Variants in CD244 observed in about 807,000 individuals in gnomAD.
The protein encoded by CD244 is natural killer cell receptor 2B4.
In CD244, 20 loss-of-function variants were observed where a neutral mutation model predicts 45.5. That is an observed-to-expected ratio of 0.44 (90% CI 0.31 to 0.64). The LOEUF (loss-of-function observed/expected upper bound fraction) is 0.64, where lower values mean the gene tolerates loss of function less well. CD244 is among the 30% of genes least tolerant of loss of function. CD244 has a pLI of 0.08. For synonymous variants in CD244, 185 were observed against 160.5 expected (o/e 1.15, Z -1.15); for missense variants, 407 against 426.9 (o/e 0.95, Z 0.41).
chr1:160,859,987 A>G (rs1263295029), intron 1 of CD244, among the ~76,000 whole-genome samples: 2 of 151,980 alleles, frequency 1.3e-5, no homozygotes, highest in Non-Finnish European at 2.9e-5. Flanking sequence ...TGGGTGGATC[A>G]CTTGAGGTCA....
At chr1:160,838,379 T>G in intron 5 of CD244, 72 bp downstream of exon 5, 2 of 1,099,610 alleles carry the variant, frequency 1.8e-6, no homozygotes, top group South Asian at 2.5e-5. Flanking sequence ...GTCCCTCTGC[T>G]CTGAATAACC....
intron 1 of CD244, among the ~76,000 whole-genome samples, chr1:160,847,346 A>G (rs1485079486): frequency 3.3e-5 from 5 of 151,878 alleles, no homozygotes; most frequent in African/African-American, 9.7e-5. Flanking sequence ...CATTAAACCA[A>G]TATATATATA....
At chr1:160,853,260 C>A (rs1187282740) in intron 1 of CD244, among the ~76,000 whole-genome samples, 1 of 152,080 alleles carries the variant, frequency 6.6e-6, no homozygotes, top group Non-Finnish European at 1.5e-5. Flanking sequence ...ATTAATGAAG[C>A]TAGACTCCAA....
intron 7 of CD244, among the ~76,000 whole-genome samples, chr1:160,833,774 T>C (rs1324085895): frequency 6.6e-6 from 1 of 152,228 alleles, no homozygotes; most frequent in Non-Finnish European, 1.5e-5. Context: ...CTCCTTTCTG[T>C]CTCTGACTGT....
chr1:160,832,886 A>ATATATT (rs1669181044), intron 7 of CD244, among the ~76,000 whole-genome samples: 1 of 149,884 alleles, frequency 6.7e-6, no homozygotes, highest in Non-Finnish European at 1.5e-5. Flanking sequence ...ATATATATAT[A>ATATATT]TACACACACA....
chr1:160,857,290 A>G (rs566894673), intron 1 of CD244, among the ~76,000 whole-genome samples: 1 of 152,378 alleles, frequency 6.6e-6, no homozygotes, highest in African/African-American at 2.4e-5. Flanking sequence ...CACATACTCC[A>G]TGGTTCTGCC....
intron 1 of CD244, among the ~76,000 whole-genome samples, chr1:160,859,735 T>G (rs1056606078): frequency 1.5e-5 from 2 of 135,440 alleles, no homozygotes; most frequent in Non-Finnish European, 3.1e-5. Flanking sequence ...GGGGAAACCC[T>G]GTATCTACAA....
At chr1:160,858,030 G>C (rs1309372597) in intron 1 of CD244, among the ~76,000 whole-genome samples, 2 of 150,986 alleles carry the variant, frequency 1.3e-5, no homozygotes, top group Non-Finnish European at 2.9e-5. Flanking sequence ...CTGGGTGATA[G>C]AGCAAGACCC....
intron 1 of CD244, among the ~76,000 whole-genome samples, chr1:160,847,345 AAT>A (rs956451081): frequency 6.6e-6 from 1 of 151,902 alleles, no homozygotes; most frequent in African/African-American, 2.4e-5. Flanking sequence ...TCATTAAACC[AAT>A]ATATATATAA....
intron 1 of CD244, among the ~76,000 whole-genome samples, chr1:160,857,682 T>C (rs947023065): frequency 2.0e-5 from 3 of 152,218 alleles, no homozygotes; most frequent in African/African-American, 7.2e-5. Context: ...CAATAGCTCA[T>C]TGAGATGTAC....
rs1203660326 is a variant in CD244, at chr1:160,831,317, G to A, written c.*30C>T. ...GCCAATTCCCAAAGCAGATGCTGAT[G>A]TGCAAGAAAGGTGAGAATTGCTGCA... On this transcript the variant is annotated 3_prime_UTR_variant, in exon 9 of 9. Transcript: ENST00000368034. 17 of 1,568,228 alleles carry A rather than the reference G, an allele frequency of 1.1e-5. No homozygotes were observed. Among genetic ancestry groups the A allele is most frequent in the Non-Finnish European group, 1.4e-5 (16 of 1,138,186 alleles).
At chr1:160,857,385 C>T (rs895335480) in intron 1 of CD244, among the ~76,000 whole-genome samples, 1 of 152,042 alleles carries the variant, frequency 6.6e-6, no homozygotes, top group Admixed American at 6.6e-5. Flanking sequence ...TGAAAGCAAC[C>T]CAAAGGTTCA....
chr1:160,862,532 A>G, intron 1 of CD244, 85 bp downstream of exon 1: 1 of 1,224,888 alleles, frequency 8.2e-7, no homozygotes, highest in Non-Finnish European at 1.2e-6. Flanking sequence ...TGTATGTGGC[A>G]CAAGCAGAGG....
At chr1:160,839,728 C>T (rs761885759) in intron 3 of CD244, among the ~76,000 whole-genome samples, 5 of 152,132 alleles carry the variant, frequency 3.3e-5, no homozygotes, top group East Asian at 3.8e-4. Context: ...TCTGTGGTTG[C>T]GAGGTGGGTC....
At chr1:160,842,969 G>A (rs984401824) in intron 1 of CD244, among the ~76,000 whole-genome samples, 2 of 152,252 alleles carry the variant, frequency 1.3e-5, no homozygotes, top group East Asian at 1.9e-4. Context: ...GGAGGCTCAG[G>A]GAGGATTTGG....
intron 1 of CD244, among the ~76,000 whole-genome samples, chr1:160,849,720 T>C (rs1010640146): frequency 6.6e-6 from 1 of 152,086 alleles, no homozygotes; most frequent in Non-Finnish European, 1.5e-5. Flanking sequence ...TCAAAGGGAA[T>C]AAAAATTAGA....
chr1:160,841,168 C>T lies in CD244; in HGVS notation c.655+42G>A, dbSNP rs369764070. The T allele has an allele frequency of 3.7e-6, 6 of 1,602,944 alleles. No individual in the cohort carries two copies. In the African/African-American group the frequency reaches 8.0e-5, roughly 21 times the overall value. On this transcript the variant is annotated intron_variant, in intron 3 of 8. Coordinates refer to ENST00000368034, the MANE Select transcript of CD244 (RefSeq NM_016382.4). Reference sequence around the variant, plus strand: ...TGCACATGAGCCTGGTTGCGGGGTCCAAACCTTCAGCGCTTGTTATAGCCC... The same window carrying T: ...TGCACATGAGCCTGGTTGCGGGGTCTAAACCTTCAGCGCTTGTTATAGCCC...
chr1:160,837,706 G>A (rs534393473), intron 5 of CD244, among the ~76,000 whole-genome samples: 5 of 152,268 alleles, frequency 3.3e-5, no homozygotes, highest in Middle Eastern at 3.4e-3. Context: ...AGGCACTTCC[G>A]CCCCACTTCA....
At chr1:160,850,444 G>T (rs568283922) in intron 1 of CD244, among the ~76,000 whole-genome samples, 1 of 152,118 alleles carries the variant, frequency 6.6e-6, no homozygotes, top group East Asian at 1.9e-4. Flanking sequence ...ATTATTGCAG[G>T]TTATTTTTAT....
Sources: allele counts gnomAD v4.1 joint callset (sites outside exome capture counted in the v4.1 genomes callset), GRCh38; gene constraint gnomAD v4.1.1; transcripts MANE v1.5; gene names NCBI Gene and HGNC (gene_info 2026-07-23, HGNC 2026-07-21).